FNBP1: variants seen among roughly 807,000 people sequenced by gnomAD.
FNBP1 encodes formin binding protein 1, also known as formin-binding protein 1.
In FNBP1, 26 loss-of-function variants were observed where a neutral mutation model predicts 90.6. The observed-to-expected ratio is 0.29, with a 90% CI of 0.21 to 0.40. The LOEUF (loss-of-function observed/expected upper bound fraction) is 0.40. Ranked by LOEUF, FNBP1 falls within the 10% of genes least tolerant of loss-of-function variation. FNBP1 has a pLI of 1.00. For missense variants in FNBP1, 635 were observed against 768.0 expected (o/e 0.83, Z 2.05); for synonymous variants, 260 against 265.2 (o/e 0.98, Z 0.19).
chr9:129,993,900 CAGGCGTG>C (rs1338966053), intron 2 of FNBP1, among the ~76,000 whole-genome samples: 1 of 152,188 alleles, frequency 6.6e-6, no homozygotes, highest in African/African-American at 2.4e-5. Flanking sequence ...GCTGGGATTA[CAGGCGTG>C]AGCCACTGCG....
intron 16 of FNBP1, among the ~76,000 whole-genome samples, chr9:129,892,800 A>G (rs1016932613): frequency 1.3e-4 from 20 of 152,224 alleles, no homozygotes; most frequent in African/African-American, 3.9e-4. Flanking sequence ...TGTTTAGTCA[A>G]TATTACAGAG....
intron 16 of FNBP1, 181 bp downstream of exon 16, chr9:129,895,657 G>A: frequency 7.9e-7 from 1 of 1,270,156 alleles, no homozygotes. Context: ...GCCCAAACTA[G>A]ACAAGGCAAT....
intron 6 of FNBP1, among the ~76,000 whole-genome samples, chr9:129,937,508 G>C (rs1310957264): frequency 6.6e-6 from 1 of 151,830 alleles, no homozygotes; most frequent in African/African-American, 2.4e-5. Context: ...TGAGGCGGGC[G>C]GATCATGAGG....
intron 6 of FNBP1, among the ~76,000 whole-genome samples, chr9:129,943,905 G>A (rs536608514): frequency 0.038 from 5,440 of 144,538 alleles, 99 homozygotes; most frequent in South Asian, 0.069. Context: ...AGGCAGGAGA[G>A]TGGCGTGAAC....
At chr9:130,051,191 G>T in the FNBP1 span, among the ~76,000 whole-genome samples, 1 of 151,634 alleles carries the variant, frequency 6.6e-6, no homozygotes, top group African/African-American at 2.4e-5. Flanking sequence ...CTGAGCCACC[G>T]CCCCTGGCCT....
chr9:129,923,345 C>A (rs2041381076), intron 10 of FNBP1, among the ~76,000 whole-genome samples: 1 of 151,976 alleles, frequency 6.6e-6, no homozygotes, highest in South Asian at 2.1e-4. Flanking sequence ...CTTTGTAAGG[C>A]CGAGGCGGGC....
Position 129,915,994 on chromosome 9 carries a change from T to C in FNBP1, c.1171-14A>G, listed in dbSNP as rs2040197424. 1 of 1,600,388 alleles carries C rather than the reference T, an allele frequency of 6.2e-7. No homozygotes were observed. The highest frequency in any genetic ancestry group is 8.6e-7 in the Non-Finnish European group (1 of 1,169,190). Reference sequence around the variant, plus strand: ...CTTGAGAGAAAGCTTCATGTAAAAATTGGAGAGGTATGGGAAAAATAGAGA... The same window carrying C: ...CTTGAGAGAAAGCTTCATGTAAAAACTGGAGAGGTATGGGAAAAATAGAGA... On this transcript the variant is annotated splice_polypyrimidine_tract_variant and intron_variant, in intron 10 of 16. Coordinates refer to ENST00000446176, the MANE Select transcript of FNBP1 (RefSeq NM_015033.3).
intron 16 of FNBP1, chr9:129,895,546 C>T (rs2035573686): frequency 1.1e-5 from 14 of 1,228,704 alleles, no homozygotes; most frequent in African/African-American, 1.6e-5. Flanking sequence ...CAGATACCGC[C>T]AAAAGAAGAA....
intron 1 of FNBP1, among the ~76,000 whole-genome samples, chr9:130,015,034 C>T (rs1167748729): frequency 1.3e-5 from 2 of 150,440 alleles, no homozygotes; most frequent in African/African-American, 2.4e-5. Flanking sequence ...TTTCATATAC[C>T]ACCACAGTAA....
chr9:130,039,528 T>C (rs2059637281), intron 1 of FNBP1, among the ~76,000 whole-genome samples: 1 of 151,766 alleles, frequency 6.6e-6, no homozygotes, highest in Non-Finnish European at 1.5e-5. Context: ...TAGAAAAAAT[T>C]AGCCAGGTGT....
intron 6 of FNBP1, among the ~76,000 whole-genome samples, chr9:129,940,329 G>A (rs78230022): frequency 0.013 from 1,917 of 152,158 alleles, 18 homozygotes; most frequent in Middle Eastern, 0.024. Flanking sequence ...TATAGATCAG[G>A]TATATCTTCA....
At chr9:129,948,784 G>A (rs1387291148) in intron 6 of FNBP1, among the ~76,000 whole-genome samples, 1 of 151,882 alleles carries the variant, frequency 6.6e-6, no homozygotes, top group Non-Finnish European at 1.5e-5. Flanking sequence ...CAAGTGATCC[G>A]CCAGCCTCAG....
At chr9:129,935,619 C>T (rs2043315006) in intron 6 of FNBP1, among the ~76,000 whole-genome samples, 3 of 152,154 alleles carry the variant, frequency 2.0e-5, no homozygotes, top group Non-Finnish European at 2.9e-5. Flanking sequence ...TCCTGAGTAG[C>T]TGGGACTACA....
At chr9:129,935,437 G>C (rs1327780322) in intron 6 of FNBP1, among the ~76,000 whole-genome samples, 1 of 151,714 alleles carries the variant, frequency 6.6e-6, no homozygotes, top group Non-Finnish European at 1.5e-5. Flanking sequence ...TGGTATAACC[G>C]AGTTATAACC....
intron 2 of FNBP1, among the ~76,000 whole-genome samples, chr9:129,989,077 C>A (rs75530048): frequency 2.0e-5 from 3 of 152,122 alleles, no homozygotes; most frequent in Non-Finnish European, 2.9e-5. Context: ...TCTCTCCCCC[C>A]ACATCCTTAC....
At chr9:129,905,696 C>A (rs1414545036) in intron 12 of FNBP1, among the ~76,000 whole-genome samples, 1 of 152,098 alleles carries the variant, frequency 6.6e-6, no homozygotes, top group Non-Finnish European at 1.5e-5. Flanking sequence ...AGCTAAGGCT[C>A]AGTGATTTTT....
chr9:130,018,626 C>T (rs1231756912), intron 1 of FNBP1, among the ~76,000 whole-genome samples: 1 of 151,884 alleles, frequency 6.6e-6, no homozygotes, highest in Admixed American at 6.6e-5. Flanking sequence ...TGCACTGGTG[C>T]GTGATCTCAG....
At chr9:130,032,073 C>T (rs2058851945) in intron 1 of FNBP1, among the ~76,000 whole-genome samples, 1 of 152,170 alleles carries the variant, frequency 6.6e-6, no homozygotes, top group African/African-American at 2.4e-5. Context: ...AGAACTAAAC[C>T]TCTCCTAGAA....
chr9:129,944,005 A>AAAAAAAAC (rs2044779103), intron 6 of FNBP1, among the ~76,000 whole-genome samples: 1 of 150,262 alleles, frequency 6.7e-6, no homozygotes, highest in South Asian at 2.1e-4. Flanking sequence ...AAAAAAAAAA[A>AAAAAAAAC]AAAACCTGCT....
Sources: gnomAD v4.1 joint callset for allele counts (sites outside exome capture counted in the v4.1 genomes callset) on GRCh38, gnomAD v4.1.1 for gene constraint, MANE v1.5 for transcripts, NCBI Gene and HGNC (gene_info 2026-07-23, HGNC 2026-07-21) for gene names.